SHROOM3: variants seen among roughly 807,000 people sequenced by gnomAD.
The protein encoded by SHROOM3 is shroom family member 3.
In SHROOM3, 47 loss-of-function variants were observed where a neutral mutation model predicts 138.6. The ratio of observed to expected loss-of-function variants is 0.34; its 90% CI spans 0.27 to 0.43. The LOEUF (loss-of-function observed/expected upper bound fraction) is 0.43. Among genes scored for constraint, SHROOM3 ranks in the 20% least tolerant of loss-of-function variants. The probability of loss-of-function intolerance (pLI) is 1.00; values close to 1 mark genes in which losing one functional copy is unlikely to be tolerated. For synonymous variants in SHROOM3, 1,062 were observed against 1,063.3 expected, an observed-to-expected ratio of 1.00 and a Z score of 0.02; for missense variants, 2,491 against 2,596.5, an observed-to-expected ratio of 0.96 and a Z score of 0.88.
At chr4:76,471,478 G>C (rs913990537) in intron 1 of SHROOM3, among the ~76,000 whole-genome samples, 2 of 152,118 alleles carry the variant, frequency 1.3e-5, no homozygotes, top group Non-Finnish European at 2.9e-5. Context: ...TCCTGACCTT[G>C]TGATCCACCC....
At chr4:76,556,404 A>T (rs144311460) in intron 2 of SHROOM3, among the ~76,000 whole-genome samples, 1 of 152,160 alleles carries the variant, frequency 6.6e-6, no homozygotes, top group East Asian at 1.9e-4. Flanking sequence ...CATTTTACAC[A>T]TCTTAGCTCA....
At chr4:76,555,838 GA>G in intron 2 of SHROOM3, 75 bp downstream of exon 2, 1 of 1,537,194 alleles carries the variant, frequency 6.5e-7, no homozygotes, top group Non-Finnish European at 8.8e-7. Flanking sequence ...CCACCTCTGG[GA>G]AAAGAGCTCG....
chr4:76,693,820 CTT>C lies in SHROOM3; in HGVS notation c.324-16318_324-16317del, dbSNP rs71212443. On this transcript the variant is annotated intron_variant, in intron 2 of 10. Transcript: ENST00000296043. ...GAGGAACTACGCACTAGGCAAACTCCTTTTTTTTTTTTTTTTTTTCCTGAGGA... is the reference window on the plus strand; with the variant it reads ...GAGGAACTACGCACTAGGCAAACTCCTTTTTTTTTTTTTTTTTCCTGAGGA... Among the ~76,000 whole-genome samples the C allele has an allele frequency of 3.5e-3, 499 of 141,608 alleles. 4 individuals carry two copies. The highest frequency in any genetic ancestry group is 0.012 in the African/African-American group (457 of 38,734). 92.9% of individuals were successfully genotyped at this position (141,608 alleles called of 152,430 possible). A position where few individuals can be genotyped will look rare whatever the true frequency, so the allele number is the denominator to read the frequency against.
chr4:76,698,479 G>A (rs887507161), intron 2 of SHROOM3, among the ~76,000 whole-genome samples: 1 of 152,110 alleles, frequency 6.6e-6, no homozygotes, highest in Non-Finnish European at 1.5e-5. Context: ...CAGGTCTAGG[G>A]CTGGAGCAAC....
intron 1 of SHROOM3, among the ~76,000 whole-genome samples, chr4:76,494,651 G>C (rs1731927477): frequency 6.6e-6 from 1 of 152,220 alleles, no homozygotes; most frequent in Non-Finnish European, 1.5e-5. Flanking sequence ...CTGATCGTAA[G>C]GGGGTGTCCC....
chr4:76,493,903 C>T (rs932213048), intron 1 of SHROOM3, among the ~76,000 whole-genome samples: 1 of 152,162 alleles, frequency 6.6e-6, no homozygotes, highest in Non-Finnish European at 1.5e-5. Context: ...CGTTTGAAAC[C>T]GGAAGGCAGA....
chr4:76,563,320 C>T (rs1733636665), intron 2 of SHROOM3, among the ~76,000 whole-genome samples: 1 of 152,164 alleles, frequency 6.6e-6, no homozygotes, highest in South Asian at 2.1e-4. Flanking sequence ...CTGATTATAA[C>T]CTTTCTGCTA....
intron 1 of SHROOM3, among the ~76,000 whole-genome samples, chr4:76,449,663 GC>G (rs1730884271): frequency 1.3e-5 from 2 of 152,184 alleles, no homozygotes; most frequent in Admixed American, 1.3e-4. Context: ...TCACGTGACA[GC>G]CATTAGTCTG....
chr4:76,478,646 C>T (rs944103354), intron 1 of SHROOM3, among the ~76,000 whole-genome samples: 2 of 152,196 alleles, frequency 1.3e-5, no homozygotes, highest in African/African-American at 4.8e-5. Flanking sequence ...CAGACTGCCT[C>T]CTCAAGTGGG....
intron 1 of SHROOM3, among the ~76,000 whole-genome samples, chr4:76,524,288 C>A (rs1391319045): frequency 6.6e-6 from 1 of 152,100 alleles, no homozygotes; most frequent in Non-Finnish European, 1.5e-5. Flanking sequence ...TGGGAAAGAG[C>A]CCTATTTCTA....
intron 2 of SHROOM3, among the ~76,000 whole-genome samples, chr4:76,609,782 A>C (rs761550512): frequency 6.6e-6 from 1 of 152,242 alleles, no homozygotes. Context: ...TAGAGAGTCT[A>C]GAATATCATG....
At chr4:76,575,612 C>T (rs1036377818) in intron 2 of SHROOM3, 3 of 152,138 alleles carry the variant, frequency 2.0e-5, no homozygotes, top group Non-Finnish European at 4.4e-5. Flanking sequence ...ACTGCAGTTA[C>T]TTTTGCACCA....
chr4:76,729,467 AT>A (rs1427245020), intron 3 of SHROOM3, among the ~76,000 whole-genome samples: 1 of 152,116 alleles, frequency 6.6e-6, no homozygotes, highest in East Asian at 1.9e-4. Context: ...ACACAAGAAC[AT>A]TTTCCTATCA....
At chr4:76,774,488 T>C (rs554318658) in intron 10 of SHROOM3, among the ~76,000 whole-genome samples, 1 of 151,956 alleles carries the variant, frequency 6.6e-6, no homozygotes, top group South Asian at 2.1e-4. Context: ...CTAAAAAAAA[T>C]TTTTTTAATC....
At chr4:76,551,639 T>C (rs1733355078) in intron 1 of SHROOM3, among the ~76,000 whole-genome samples, 1 of 152,202 alleles carries the variant, frequency 6.6e-6, no homozygotes, top group South Asian at 2.1e-4. Flanking sequence ...GGAGTCATGA[T>C]TTCTCATGAA....
At chr4:76,458,274 ATATT>A (rs1731073181) in intron 1 of SHROOM3, among the ~76,000 whole-genome samples, 2 of 152,202 alleles carry the variant, frequency 1.3e-5, no homozygotes, top group Non-Finnish European at 2.9e-5. Flanking sequence ...ACATGTTTAA[ATATT>A]TATTTTTGAC....
intron 3 of SHROOM3, among the ~76,000 whole-genome samples, chr4:76,725,275 G>A (rs1002404182): frequency 6.6e-6 from 1 of 151,738 alleles, no homozygotes; most frequent in Non-Finnish European, 1.5e-5. Context: ...AAGCTCCAAA[G>A]TTGAGTTTGC....
At chr4:76,667,388 G>A (rs1718725953) in intron 2 of SHROOM3, among the ~76,000 whole-genome samples, 3 of 152,064 alleles carry the variant, frequency 2.0e-5, no homozygotes, top group East Asian at 2.0e-4. Context: ...ATGTGATCAC[G>A]GCTTACTGCA....
chr4:76,522,447 G>C (rs768759233), intron 1 of SHROOM3, among the ~76,000 whole-genome samples: 1 of 151,986 alleles, frequency 6.6e-6, no homozygotes, highest in Non-Finnish European at 1.5e-5. Flanking sequence ...GGCCGGAACA[G>C]TGCCTAGGGC....
Sources: gnomAD v4.1 joint callset for allele counts (sites outside exome capture counted in the v4.1 genomes callset) on GRCh38, gnomAD v4.1.1 for gene constraint, MANE v1.5 for transcripts, NCBI Gene and HGNC (gene_info 2026-07-23, HGNC 2026-07-21) for gene names.